COPS2: variants seen among roughly 807,000 people sequenced by gnomAD.
COPS2 encodes the protein COP9 signalosome subunit 2, also known as COP9 signalosome complex subunit 2.
Under a neutral mutation model 66.1 loss-of-function variants are expected in COPS2, and 10 were observed. The observed-to-expected ratio is 0.15, with a 90% CI of 0.09 to 0.26. COPS2 has a LOEUF of 0.26. Ranked by LOEUF, COPS2 falls within the 10% of genes least tolerant of loss-of-function variation. COPS2 has a pLI of 1.00. For missense variants in COPS2, 215 were observed against 513.3 expected (o/e 0.42, Z 5.62); for synonymous variants, 179 against 171.3 (o/e 1.04, Z -0.35).
intron 3 of COPS2, among the ~76,000 whole-genome samples, chr15:49,140,965 A>G (rs1196565335): frequency 6.6e-6 from 1 of 152,082 alleles, no homozygotes; most frequent in Non-Finnish European, 1.5e-5. Flanking sequence ...ATTACAATAA[A>G]GAAAACAGCA....
chr15:49,128,606 T>C, intron 12 of COPS2, 96 bp downstream of exon 12: 1 of 858,676 alleles, frequency 1.2e-6, no homozygotes, highest in South Asian at 1.8e-5. Context: ...AGGGTGCTTT[T>C]TATGAATAAT....
intron 11 of COPS2, among the ~76,000 whole-genome samples, chr15:49,129,195 T>A (rs933352146): frequency 3.3e-5 from 5 of 152,060 alleles, no homozygotes; most frequent in African/African-American, 1.2e-4. Context: ...CTCAGGAGGC[T>A]GAGGTAGGAG....
intron 1 of COPS2, among the ~76,000 whole-genome samples, chr15:49,145,525 T>C (rs1178983453): frequency 1.3e-5 from 2 of 152,144 alleles, no homozygotes; most frequent in Non-Finnish European, 2.9e-5. Flanking sequence ...TGTAACACGG[T>C]TTAAAACCAG....
At chr15:49,147,447 T>C (rs1595825652) in intron 1 of COPS2, among the ~76,000 whole-genome samples, 1 of 152,088 alleles carries the variant, frequency 6.6e-6, no homozygotes, top group African/African-American at 2.4e-5. Flanking sequence ...AAGTAGAAGC[T>C]GAAAGGTATA....
chr15:49,150,267 T>A lies in COPS2; in HGVS notation c.55-5189A>T, dbSNP rs1035385729. Among the ~76,000 whole-genome samples, 405 of 149,536 alleles carry A rather than the reference T, an allele frequency of 2.7e-3. 2 individuals are homozygous for A. The East Asian group carries it at 0.03, about 11-fold the overall frequency. On this transcript the variant is annotated intron_variant, in intron 1 of 12. Transcript: ENST00000388901. ...TATCTCAAAAAAAAAAAAAAATAAATAAAAATAAAAAAATAAATAAATAAA... is the reference window on the plus strand; with the variant it reads ...TATCTCAAAAAAAAAAAAAAATAAAAAAAAATAAAAAAATAAATAAATAAA...
rs191066853 is a variant in COPS2 at position 49,155,591 on chromosome 15, G to T, written c.-13C>A. 119 of 1,613,780 alleles carry T rather than the reference G, an allele frequency of 7.4e-5. No homozygotes were observed. The South Asian group carries it at 7.8e-4, about 11-fold the overall frequency. On this transcript the variant is annotated 5_prime_UTR_variant, in exon 1 of 13. Coordinates refer to ENST00000388901, the MANE Select transcript of COPS2 (RefSeq NM_004236.4). ...CCATGTCAGACATCTTGGCCGGGAGGGGGAGGAGAAATTGGAGACAACCTC... is the reference window on the plus strand; with the variant it reads ...CCATGTCAGACATCTTGGCCGGGAGTGGGAGGAGAAATTGGAGACAACCTC...
At chr15:49,129,238 T>G (rs1595818990) in intron 11 of COPS2, among the ~76,000 whole-genome samples, 1 of 151,260 alleles carries the variant, frequency 6.6e-6, no homozygotes, top group Admixed American at 6.6e-5. Flanking sequence ...AAGACTACAG[T>G]GTGCCACACT....
chr15:49,152,173 A>AG (rs532361502), intron 1 of COPS2, among the ~76,000 whole-genome samples: 21,730 of 146,962 alleles, frequency 0.15, 2,015 homozygotes, highest in Non-Finnish European at 0.21. Context: ...ACTAAGAAAC[A>AG]TAAAAAAAAA....
intron 4 of COPS2, among the ~76,000 whole-genome samples, chr15:49,138,591 T>C (rs543969041): frequency 6.6e-6 from 1 of 152,322 alleles, no homozygotes; most frequent in Non-Finnish European, 1.5e-5. Context: ...AGCTCCATGA[T>C]ATATAGCTTA....
At chr15:49,134,212 T>TGCC (rs1259656926) in intron 7 of COPS2, 104 bp from the exon 8 acceptor site, 5 of 1,408,720 alleles carry the variant, frequency 3.5e-6, no homozygotes, top group African/African-American at 1.4e-5. Flanking sequence ...TGCCTTTCAG[T>TGCC]TTTTAAATTC....
At chr15:49,135,858 C>A (rs754331243) in intron 6 of COPS2, among the ~76,000 whole-genome samples, 6 of 152,174 alleles carry the variant, frequency 3.9e-5, no homozygotes, top group Non-Finnish European at 7.3e-5. Flanking sequence ...TATTTACCAT[C>A]CTGATAGCAT....
Position 49,123,235 on chromosome 15 carries a change from A to G in COPS2, c.*4715T>C, listed in dbSNP as rs2084138506. 6.6e-6 allele frequency: 1 copy of G among 152,224 alleles called. No individual in the cohort carries two copies. The highest frequency in any genetic ancestry group is 1.5e-5 in the Non-Finnish European group (1 of 68,044). The allele number at this position is 152,224 out of a possible 1,614,324, so 9.4% of individuals were successfully genotyped here. A position where few individuals can be genotyped will look rare whatever the true frequency, so the allele number is the denominator to read the frequency against. ...AAACTTTTGACAACTTCATGGGATG[A>G]CGCTAGAGATTACTTTTTCTAAACT... is the stretch of plus-strand genomic sequence containing the variant. On this transcript the variant is annotated 3_prime_UTR_variant, in exon 13 of 13. Transcript: ENST00000388901.
At chr15:49,147,529 A>T (rs1370664703) in intron 1 of COPS2, among the ~76,000 whole-genome samples, 1 of 152,140 alleles carries the variant, frequency 6.6e-6, no homozygotes, top group Non-Finnish European at 1.5e-5. Context: ...AAGGGAAGAG[A>T]TTAACTTCAA....
intron 4 of COPS2, chr15:49,139,301 G>A: frequency 2.6e-6 from 1 of 389,006 alleles, no homozygotes; most frequent in Non-Finnish European, 4.6e-6. Flanking sequence ...ACAGATTTTA[G>A]CATCTGAAGG....
chr15:49,139,707 T>C (rs1484875039), intron 3 of COPS2, 54 bp from the exon 4 acceptor site: 56 of 1,322,368 alleles, frequency 4.2e-5, no homozygotes, highest in South Asian at 9.3e-5. Context: ...CTAAAATATG[T>C]ACACATGATT....
chr15:49,150,786 G>GA (rs1346588069), intron 1 of COPS2, among the ~76,000 whole-genome samples: 1 of 152,012 alleles, frequency 6.6e-6, no homozygotes, highest in East Asian at 1.9e-4. Flanking sequence ...GAGAGCAGCA[G>GA]AAAAAATAAC....
At chr15:49,145,825 A>C (rs2084317404) in intron 1 of COPS2, among the ~76,000 whole-genome samples, 1 of 152,156 alleles carries the variant, frequency 6.6e-6, no homozygotes, top group South Asian at 2.1e-4. Flanking sequence ...CAGTTCCAGG[A>C]CATTCAACCT....
chr15:49,132,898 C>T (rs1348632870), intron 9 of COPS2, among the ~76,000 whole-genome samples: 1 of 152,098 alleles, frequency 6.6e-6, no homozygotes, highest in Admixed American at 6.6e-5. Context: ...CATCTTCCTC[C>T]ACAGAATCAT....
At position 49,155,396 on chromosome 15, in the gene COPS2, G is replaced by C. The variant is rs963079031; in HGVS notation, c.54+129C>G. The C allele has an allele frequency of 6.1e-6, 5 of 817,126 alleles. No homozygotes were observed. In the Admixed American group the frequency reaches 1.0e-4, roughly 17 times the overall value. 50.6% of individuals were successfully genotyped at this position (817,126 alleles called of 1,614,324 possible). A position where few individuals can be genotyped will look rare whatever the true frequency, so the allele number is the denominator to read the frequency against. On this transcript the variant is annotated intron_variant, in intron 1 of 12. Transcript: ENST00000388901. Reference sequence around the variant, plus strand: ...GCGGGAACGGGGAGGAGGTAAACCAGTCCTGTCACCGCACTGAGAGAGGCT... The same window carrying C: ...GCGGGAACGGGGAGGAGGTAAACCACTCCTGTCACCGCACTGAGAGAGGCT...
Sources: gnomAD v4.1 joint callset for allele counts (sites outside exome capture counted in the v4.1 genomes callset) on GRCh38, gnomAD v4.1.1 for gene constraint, MANE v1.5 for transcripts, NCBI Gene and HGNC (gene_info 2026-07-23, HGNC 2026-07-21) for gene names.